Variants in CLU observed in about 807,000 individuals in gnomAD.
CLU encodes the protein clusterin, also known as aging-associated protein 4.
CLU carries 25 observed loss-of-function variants against 46.4 expected under a neutral mutation model. That is an observed-to-expected ratio of 0.54 (90% CI 0.39 to 0.75). CLU has a LOEUF of 0.75. Among genes scored for constraint, CLU ranks in the 30% least tolerant of loss-of-function variants. The pLI is 0.00. For synonymous variants in CLU, 235 were observed against 235.1 expected (o/e 1.00, Z 0.00); for missense variants, 504 against 592.1 (o/e 0.85, Z 1.54).
chr8:27,612,077 CTCAGCAGCGGGCACAGA>C (rs1261078736), intron 1 of CLU: 3 of 326,948 alleles, frequency 9.2e-6, no homozygotes, highest in African/African-American at 6.5e-5. Context: ...GAATTCCAGA[CTCAGCAGCGGGCACAGA>C]GTCTGCTCCA....
At chr8:27,605,650 A>G (rs1800809441) in intron 4 of CLU, among the ~76,000 whole-genome samples, 1 of 152,276 alleles carries the variant, frequency 6.6e-6, no homozygotes, top group Admixed American at 6.5e-5. Flanking sequence ...GCTAAGGGCC[A>G]ACTGATGTGA....
chr8:27,597,238 T>A lies in CLU; in HGVS notation c.*1003A>T, dbSNP rs1182154118. ...ATGAGTTTTGTTCCATTGCAGTACATCTGATGACCAGAATTCTATCAGAGA... is the reference window on the plus strand; with the variant it reads ...ATGAGTTTTGTTCCATTGCAGTACAACTGATGACCAGAATTCTATCAGAGA... On this transcript the variant is annotated 3_prime_UTR_variant, in exon 9 of 9. Coordinates refer to ENST00000316403, the MANE Select transcript of CLU (RefSeq NM_001831.4). 2.2e-6 allele frequency: 1 copy of A among 454,382 alleles called. No individual in the cohort carries two copies. The highest frequency in any genetic ancestry group is 2.3e-5 in the Admixed American group (1 of 42,572). 28.1% of individuals were successfully genotyped at this position (454,382 alleles called of 1,614,324 possible).
chr8:27,613,035 TTGAAC>T (rs1480296750), intron 1 of CLU, among the ~76,000 whole-genome samples: 1 of 151,756 alleles, frequency 6.6e-6, no homozygotes, highest in Non-Finnish European at 1.5e-5. Flanking sequence ...CCTGGGAACT[TTGAAC>T]TGAGCAGCTT....
At chr8:27,611,723 C>G (rs1254899551) in intron 1 of CLU, 1 of 457,708 alleles carries the variant, frequency 2.2e-6, no homozygotes, top group Non-Finnish European at 4.4e-6. Flanking sequence ...CAAGGAGTGC[C>G]TCTCATGAGA....
rs565435447 is a variant in CLU, at chr8:27,598,691, G to A, written c.1165-56C>T. The A allele has an allele frequency of 1.2e-5, 19 of 1,544,776 alleles. 1 individual carries two copies. The highest frequency in any genetic ancestry group is 2.7e-5 in the African/African-American group (2 of 73,648). The stretch of plus-strand genomic sequence containing the variant: ...GAAACACTGTGGTCAAAATGCATGC[G>A]CTCTGCAACAGAAGTCAGGCTTCTG... On this transcript the variant is annotated intron_variant, in intron 7 of 8. Transcript: ENST00000316403.
chr8:27,610,638 C>T (rs1248959233), intron 1 of CLU, 38 bp from the exon 2 acceptor site: 3 of 1,537,260 alleles, frequency 2.0e-6, no homozygotes, highest in Admixed American at 1.7e-5. Context: ...AACAGCTAGA[C>T]AGCCTGCTGG....
At position 27,599,704 on chromosome 8, in the gene CLU, C is replaced by G; in HGVS notation, c.1164+76G>C. 8.7e-7 allele frequency: 1 copy of G among 1,146,322 alleles called. No individual in the cohort carries two copies. The highest frequency in any genetic ancestry group is 1.5e-5 in the African/African-American group (1 of 65,128). The allele number at this position is 1,146,322 out of a possible 1,614,324, so 71.0% of individuals were successfully genotyped here. On this transcript the variant is annotated intron_variant, in intron 7 of 8. Coordinates refer to ENST00000316403, the MANE Select transcript of CLU (RefSeq NM_001831.4). The surrounding 1 kb of genome is among the most constrained non-coding windows in gnomAD (Gnocchi z 4.0). ...TTCTGCCGTGTGATAAATGCTCAGT[C>G]AAAAGCACACATGCCCCTGCTCCCG...
chr8:27,603,020 G>T (rs1388201271), intron 6 of CLU, among the ~76,000 whole-genome samples: 2 of 152,166 alleles, frequency 1.3e-5, no homozygotes, highest in Admixed American at 1.3e-4. Flanking sequence ...AGCCGAGATA[G>T]AGCCACTGTA....
rs1563381636 is a variant in CLU at position 27,597,015 on chromosome 8, A to G, written c.*1226T>C. 1 of 454,144 alleles carries G rather than the reference A, an allele frequency of 2.2e-6. No homozygotes were observed. Among genetic ancestry groups the G allele is most frequent in the Admixed American group, 2.3e-5 (1 of 42,584 alleles). 28.1% of individuals were successfully genotyped at this position (454,144 alleles called of 1,614,324 possible). On this transcript the variant is annotated 3_prime_UTR_variant, in exon 9 of 9. Transcript: ENST00000316403. ...ACCTCTGACCCCATAATTCTAATTA[A>G]TGTATATCATTAAGTGAATCACACT...
intron 7 of CLU, 55 bp from the exon 8 acceptor site, chr8:27,598,690 C>T (rs1800661587): frequency 5.2e-6 from 8 of 1,544,748 alleles, no homozygotes; most frequent in Admixed American, 1.7e-5. Context: ...AAAATGCATG[C>T]GCTCTGCAAC....
intron 4 of CLU, among the ~76,000 whole-genome samples, chr8:27,605,808 G>A (rs1226049594): frequency 6.6e-6 from 1 of 152,156 alleles, no homozygotes; most frequent in Non-Finnish European, 1.5e-5. Context: ...GGCCAAGGTA[G>A]GAGGATTACT....
At chr8:27,609,272 C>G (rs929044998) in intron 2 of CLU, among the ~76,000 whole-genome samples, 186 bp from the exon 3 acceptor site, 6 of 152,140 alleles carry the variant, frequency 3.9e-5, no homozygotes, top group African/African-American at 1.4e-4. Context: ...ATCACAGGCT[C>G]CTTGCTGACT....
Position 27,598,082 on chromosome 8 carries a change from G to T in CLU, c.*159C>A. ...GAGCAGCAGAGTCGAGTGTTAGAGTGCAGGATCCAGAGCGGGGAGAGGCTG... is the reference window on the plus strand; with the variant it reads ...GAGCAGCAGAGTCGAGTGTTAGAGTTCAGGATCCAGAGCGGGGAGAGGCTG... On this transcript the variant is annotated 3_prime_UTR_variant, in exon 9 of 9. Transcript: ENST00000316403. 2.8e-6 allele frequency: 2 copies of T among 725,596 alleles called. No individual in the cohort carries two copies. Among genetic ancestry groups the T allele is most frequent in the South Asian group, 3.0e-5 (2 of 67,404 alleles). The allele number at this position is 725,596 out of a possible 1,614,324, so 44.9% of individuals were successfully genotyped here.
chr8:27,600,424 G>A (rs755309978), intron 6 of CLU, among the ~76,000 whole-genome samples: 38 of 151,984 alleles, frequency 2.5e-4, no homozygotes, highest in Non-Finnish European at 4.9e-4. Context: ...TTGTAGACAC[G>A]GGGTTTCTCT....
chr8:27,605,800 C>T (rs1384951100), intron 4 of CLU, among the ~76,000 whole-genome samples: 1 of 152,106 alleles, frequency 6.6e-6, no homozygotes, highest in African/African-American at 2.4e-5. Context: ...ATTTGGGAGG[C>T]CAAGGTAGGA....
In CLU at chr8:27,604,364, C is replaced by T. The variant is rs764426787; in HGVS notation, c.861G>A (p.Glu287=). The change falls in exon 6 of 9, where the codon GAG becomes GAA. Residue 287 remains glutamate (E), a synonymous_variant. Coordinates refer to ENST00000316403, the MANE Select transcript of CLU (RefSeq NM_001831.4). ...EGDDDRTVCR[E]IRHNSTGCLR... ...GGCAGCCCGTGGAGTTGTGGCGGAT[C>T]TCCCGGCACACAGTCCGGTCATCGT... is the stretch of plus-strand genomic sequence containing the variant. The T allele has an allele frequency of 1.9e-6, 3 of 1,614,114 alleles. No individual in the cohort carries two copies. The highest frequency in any genetic ancestry group is 1.3e-5 in the African/African-American group (1 of 74,946).
chr8:27,601,573 C>G (rs1258289487), intron 6 of CLU, among the ~76,000 whole-genome samples: 1 of 152,176 alleles, frequency 6.6e-6, no homozygotes, highest in Non-Finnish European at 1.5e-5. Context: ...TGTCCACTAG[C>G]TCTTAAAACT....
intron 2 of CLU, among the ~76,000 whole-genome samples, chr8:27,609,353 T>C (rs933460376): frequency 1.3e-5 from 2 of 151,464 alleles, no homozygotes; most frequent in African/African-American, 4.9e-5. Context: ...CACTGCCATG[T>C]GCCCCTGGAG....
chr8:27,606,310 C>T (rs761267862), intron 4 of CLU, 44 bp downstream of exon 4: 2 of 1,606,888 alleles, frequency 1.2e-6, no homozygotes, highest in South Asian at 2.2e-5. Context: ...GGCTCCCCTC[C>T]TTCCCCACTC....
Sources: gnomAD v4.1 joint callset for allele counts (sites outside exome capture counted in the v4.1 genomes callset) on GRCh38, gnomAD v4.1.1 for gene constraint, Gnocchi (gnomAD v3.1) non-coding constraint, MANE v1.5 for transcripts, NCBI Gene and HGNC (gene_info 2026-07-23, HGNC 2026-07-21) for gene names.